FGF14: variants seen among roughly 807,000 people sequenced by gnomAD.
FGF14 encodes the protein fibroblast growth factor 14.
Under a neutral mutation model 25.5 loss-of-function variants are expected in FGF14, and 5 were observed. The ratio of observed to expected loss-of-function variants is 0.20; its 90% confidence interval spans 0.10 to 0.41. The LOEUF (loss-of-function observed/expected upper bound fraction) is 0.41. Ranked by LOEUF, FGF14 falls within the 10% of genes least tolerant of loss-of-function variation. The probability of loss-of-function intolerance (pLI) is 1.00; values close to 1 mark genes in which losing one functional copy is unlikely to be tolerated. For synonymous variants in FGF14, 138 were observed against 118.3 expected (o/e 1.17, Z -1.08); for missense variants, 222 against 320.1 (o/e 0.69, Z 2.34).
At chr13:102,181,983 C>G (rs1325814449) in intron 1 of FGF14, among the ~76,000 whole-genome samples, 5 of 152,148 alleles carry the variant, frequency 3.3e-5, no homozygotes, top group African/African-American at 1.2e-4. Context: ...GACTCCAGAA[C>G]TGTGAAAACG....
At chr13:101,983,185 G>A (rs1317411980) in intron 1 of FGF14, among the ~76,000 whole-genome samples, 2 of 152,162 alleles carry the variant, frequency 1.3e-5, no homozygotes, top group African/African-American at 4.8e-5. Context: ...TTATTACCCA[G>A]ATCATTTGTA....
intron 3 of FGF14, among the ~76,000 whole-genome samples, chr13:101,821,801 A>G (rs1376546122): frequency 6.6e-6 from 1 of 152,148 alleles, no homozygotes; most frequent in African/African-American, 2.4e-5. Context: ...CCTTTTCATA[A>G]ATTTCTTGGC....
At chr13:102,280,162 A>T (rs1233198389) in intron 1 of FGF14, among the ~76,000 whole-genome samples, 1 of 152,234 alleles carries the variant, frequency 6.6e-6, no homozygotes, top group Non-Finnish European at 1.5e-5. Flanking sequence ...CTCAGACCAC[A>T]TGCTGCAGGA....
At chr13:102,257,181 C>T (rs1183589019) in intron 1 of FGF14, among the ~76,000 whole-genome samples, 2 of 151,824 alleles carry the variant, frequency 1.3e-5, no homozygotes, top group Non-Finnish European at 2.9e-5. Context: ...ACACAGTTTA[C>T]CTATTAGAAA....
intron 1 of FGF14, among the ~76,000 whole-genome samples, chr13:101,936,705 C>T (rs374881426): frequency 1.3e-5 from 2 of 152,174 alleles, no homozygotes; most frequent in Non-Finnish European, 2.9e-5. Flanking sequence ...CCAGAGCAAG[C>T]AATGAATGCT....
At chr13:102,145,044 G>A (rs755755228) in intron 1 of FGF14, among the ~76,000 whole-genome samples, 3 of 152,046 alleles carry the variant, frequency 2.0e-5, no homozygotes, top group Non-Finnish European at 4.4e-5. Flanking sequence ...ATTTTGTTAT[G>A]CTATCTGACT....
intron 1 of FGF14, among the ~76,000 whole-genome samples, chr13:102,359,900 C>A (rs1420379500): frequency 2.0e-5 from 3 of 148,016 alleles, no homozygotes; most frequent in African/African-American, 7.4e-5. Flanking sequence ...GCTGTGTTTA[C>A]AATTTTTTTC....
chr13:101,987,832 A>C (rs2038676194), intron 1 of FGF14, among the ~76,000 whole-genome samples: 1 of 152,082 alleles, frequency 6.6e-6, no homozygotes, highest in Non-Finnish European at 1.5e-5. Context: ...TGAGTCATTG[A>C]TCAATGATCA....
chr13:101,952,791 G>A (rs893070895), intron 1 of FGF14, among the ~76,000 whole-genome samples: 3 of 152,156 alleles, frequency 2.0e-5, no homozygotes, highest in African/African-American at 7.2e-5. Flanking sequence ...AGCACTTTAG[G>A]AGGCCAAGGC....
chr13:102,014,303 G>T (rs2040227039), intron 1 of FGF14, among the ~76,000 whole-genome samples: 1 of 152,014 alleles, frequency 6.6e-6, no homozygotes, highest in Non-Finnish European at 1.5e-5. Context: ...GCAACTTTTA[G>T]TTAATTTTTA....
intron 1 of FGF14, among the ~76,000 whole-genome samples, chr13:102,312,752 T>C (rs1329156898): frequency 6.6e-6 from 1 of 152,218 alleles, no homozygotes; most frequent in Non-Finnish European, 1.5e-5. Flanking sequence ...GGGCATGGAT[T>C]TGAAAGCTTC....
intron 1 of FGF14, among the ~76,000 whole-genome samples, chr13:102,349,280 T>C (rs997929402): frequency 2.0e-5 from 3 of 152,188 alleles, no homozygotes; most frequent in Non-Finnish European, 4.4e-5. Flanking sequence ...CTAGTTCCAC[T>C]AGCACTGTGA....
In FGF14 at chr13:101,860,995, T is replaced by A. The variant is rs140508437; in HGVS notation, c.408+7730A>T. On this transcript the variant is annotated intron_variant, in intron 3 of 4. Transcript: ENST00000376143. The stretch of plus-strand genomic sequence containing the variant: ...CTGCTCTATTATCCAGTATCCAAAA[T>A]TGAGCATGTAGATTCTATATACTTA... Among the ~76,000 whole-genome samples the A allele has an allele frequency of 4.0e-3, 607 of 152,228 alleles. 4 individuals carry two copies. The highest frequency in any genetic ancestry group is 0.014 in the African/African-American group (564 of 41,540).
intron 1 of FGF14, among the ~76,000 whole-genome samples, chr13:102,350,573 A>C (rs928455284): frequency 2.0e-5 from 3 of 152,092 alleles, no homozygotes; most frequent in Admixed American, 2.0e-4. Flanking sequence ...CCTCCTTAGC[A>C]AACTGCACAA....
chr13:102,117,226 G>T (rs2045513735), intron 1 of FGF14, among the ~76,000 whole-genome samples: 1 of 152,106 alleles, frequency 6.6e-6, no homozygotes, highest in Non-Finnish European at 1.5e-5. Flanking sequence ...TCTGTATTTG[G>T]CTTTTCCAAA....
At chr13:102,288,192 T>C (rs2054199622) in intron 1 of FGF14, among the ~76,000 whole-genome samples, 1 of 152,224 alleles carries the variant, frequency 6.6e-6, no homozygotes. Context: ...AAAGTGGTCA[T>C]GTTTATGTAA....
chr13:102,386,367 A>T (rs1473393553), intron 1 of FGF14, among the ~76,000 whole-genome samples: 2 of 152,050 alleles, frequency 1.3e-5, no homozygotes, highest in Non-Finnish European at 2.9e-5. Flanking sequence ...CCTGACCTCA[A>T]GTGATCTGCC....
chr13:101,777,911 C>G (rs1049665399), intron 3 of FGF14, among the ~76,000 whole-genome samples: 1 of 152,006 alleles, frequency 6.6e-6, no homozygotes, highest in Non-Finnish European at 1.5e-5. Flanking sequence ...TTGCAGTGAG[C>G]CGAGATCGCA....
intron 1 of FGF14, among the ~76,000 whole-genome samples, chr13:102,083,423 G>T (rs958472018): frequency 8.0e-5 from 12 of 149,678 alleles, no homozygotes; most frequent in African/African-American, 2.0e-4. Context: ...TAAGTGTTGG[G>T]TTTTTTTTTA....
Sources: gnomAD v4.1 joint callset for allele counts (sites outside exome capture counted in the v4.1 genomes callset) on GRCh38, gnomAD v4.1.1 for gene constraint, MANE v1.5 for transcripts, NCBI Gene and HGNC (gene_info 2026-07-23, HGNC 2026-07-21) for gene names.